TENM2: variants seen among roughly 807,000 people sequenced by gnomAD.
The protein encoded by TENM2 is teneurin transmembrane protein 2, also known as teneurin-2.
A neutral mutation model predicts 245.2 loss-of-function variants in TENM2; 52 were observed. That is an observed-to-expected ratio of 0.21 (90% CI 0.17 to 0.27). The LOEUF (loss-of-function observed/expected upper bound fraction) is 0.27. Among genes scored for constraint, TENM2 ranks in the 10% least tolerant of loss-of-function variants. TENM2 has a pLI of 1.00. For synonymous variants in TENM2, 1,363 were observed against 1,438.9 expected, an observed-to-expected ratio of 0.95 and a Z score of 1.19; for missense variants, 3,046 against 3,666.8, an observed-to-expected ratio of 0.83 and a Z score of 4.37.
chr5:167,727,640 T>C (rs545151955), intron 2 of TENM2, among the ~76,000 whole-genome samples: 1 of 152,376 alleles, frequency 6.6e-6, no homozygotes, highest in South Asian at 2.1e-4. Context: ...TCATCTAACA[T>C]TTTGTGTGCA....
chr5:168,037,404 C>T (rs919221322), intron 5 of TENM2, among the ~76,000 whole-genome samples: 3 of 152,080 alleles, frequency 2.0e-5, no homozygotes, highest in Non-Finnish European at 1.5e-5. Context: ...ATATTGACCA[C>T]AATGGCGTCA....
the TENM2 span, among the ~76,000 whole-genome samples, chr5:167,034,124 C>A: frequency 1.3e-5 from 2 of 152,114 alleles, no homozygotes; most frequent in African/African-American, 2.4e-5. Flanking sequence ...GATAATAATG[C>A]AAATAGTTGT....
At chr5:167,376,316 G>A (rs11739827) in intron 2 of TENM2, among the ~76,000 whole-genome samples, 2 of 152,004 alleles carry the variant, frequency 1.3e-5, no homozygotes, top group East Asian at 3.9e-4. Flanking sequence ...AATGCTATGT[G>A]GTTTGTTATG....
At chr5:167,769,336 C>A (rs1006785736) in intron 2 of TENM2, among the ~76,000 whole-genome samples, 20 of 152,140 alleles carry the variant, frequency 1.3e-4, no homozygotes, top group African/African-American at 3.9e-4. Context: ...TCACTCTGGT[C>A]ATTTTATTTT....
intron 2 of TENM2, among the ~76,000 whole-genome samples, chr5:167,378,190 C>T (rs942330582): frequency 2.6e-5 from 4 of 151,950 alleles, no homozygotes; most frequent in African/African-American, 9.7e-5. Context: ...AAACCAACTT[C>T]CTTTTTGGTA....
At chr5:167,319,967 A>G (rs1174724826) in intron 1 of TENM2, among the ~76,000 whole-genome samples, 2 of 152,150 alleles carry the variant, frequency 1.3e-5, no homozygotes, top group Non-Finnish European at 2.9e-5. Context: ...TATGTCAGGC[A>G]CTCTACTAGC....
At chr5:167,393,358 G>T (rs887447676) in intron 2 of TENM2, among the ~76,000 whole-genome samples, 1 of 152,120 alleles carries the variant, frequency 6.6e-6, no homozygotes, top group African/African-American at 2.4e-5. Flanking sequence ...GGAGTCGGAG[G>T]GCCAAGGAAA....
chr5:167,327,037 T>A (rs1561865162), intron 1 of TENM2, among the ~76,000 whole-genome samples: 1 of 152,216 alleles, frequency 6.6e-6, no homozygotes. Flanking sequence ...AAAATTTTAT[T>A]ATTATACTTT....
chr5:167,952,250 G>T, intron 3 of TENM2: 1 of 396,026 alleles, frequency 2.5e-6, no homozygotes, highest in Non-Finnish European at 4.6e-6. Flanking sequence ...ATAGGGACTT[G>T]CTACGCCAGC....
intron 2 of TENM2, among the ~76,000 whole-genome samples, chr5:167,473,525 T>G (rs1042960803): frequency 9.2e-5 from 14 of 152,232 alleles, no homozygotes; most frequent in African/African-American, 3.4e-4. Flanking sequence ...CAGCTATGCT[T>G]TTATTGCCGT....
the TENM2 span, among the ~76,000 whole-genome samples, chr5:167,239,631 G>A: frequency 6.6e-6 from 1 of 152,176 alleles, no homozygotes; most frequent in Non-Finnish European, 1.5e-5. Flanking sequence ...TGGATAATTT[G>A]AAAGCAGATG....
intron 6 of TENM2, among the ~76,000 whole-genome samples, chr5:168,054,406 G>A (rs756501071): frequency 2.0e-5 from 3 of 152,166 alleles, no homozygotes; most frequent in Non-Finnish European, 4.4e-5. Context: ...TCAGATGGTT[G>A]TCCTGATTCC....
intron 1 of TENM2, among the ~76,000 whole-genome samples, chr5:167,320,190 G>A (rs1015930053): frequency 1.3e-5 from 2 of 152,072 alleles, no homozygotes; most frequent in Non-Finnish European, 2.9e-5. Context: ...TATAGCCTCA[G>A]GAATAAAAAC....
chr5:167,709,097 A>G (rs150594286), intron 2 of TENM2, among the ~76,000 whole-genome samples: 1,869 of 152,234 alleles, frequency 0.012, 37 homozygotes, highest in African/African-American at 0.043. Context: ...AAACTATGCC[A>G]GAGCTCTGGA....
At chr5:168,126,236 A>G (rs886186570) in intron 11 of TENM2, among the ~76,000 whole-genome samples, 6 of 152,184 alleles carry the variant, frequency 3.9e-5, no homozygotes, top group African/African-American at 1.2e-4. Context: ...GGGGTCCCCA[A>G]CTGACCTCTT....
chr5:167,649,606 A>G (rs955545948), intron 2 of TENM2, among the ~76,000 whole-genome samples: 4 of 152,186 alleles, frequency 2.6e-5, no homozygotes, highest in Admixed American at 6.5e-5. Flanking sequence ...TTAATTGCAC[A>G]TGAAACCCAT....
chr5:167,421,202 T>G (rs2127423539), intron 2 of TENM2, among the ~76,000 whole-genome samples: 1 of 152,354 alleles, frequency 6.6e-6, no homozygotes, highest in Non-Finnish European at 1.5e-5. Context: ...TCAAAAGAAA[T>G]ATTAGTCTGA....
At chr5:168,195,141 T>G in intron 14 of TENM2, 35 bp from the exon 17 acceptor site, 1 of 1,562,394 alleles carries the variant, frequency 6.4e-7, no homozygotes. Context: ...TTCTCCTGCA[T>G]GTGGCTCAAA....
At chr5:167,560,598 T>G (rs1773523374) in intron 2 of TENM2, among the ~76,000 whole-genome samples, 1 of 152,186 alleles carries the variant, frequency 6.6e-6, no homozygotes, top group African/African-American at 2.4e-5. Flanking sequence ...CCTCTAAGCC[T>G]CAGTTGCCAT....
Sources: gnomAD v4.1 joint callset for allele counts (sites outside exome capture counted in the v4.1 genomes callset) on GRCh38, gnomAD v4.1.1 for gene constraint, MANE v1.5 for transcripts, NCBI Gene and HGNC (gene_info 2026-07-23, HGNC 2026-07-21) for gene names.